The following PTGER3 variants were observed in gnomAD, a reference collection of about 807,000 sequenced individuals.
PTGER3 encodes prostaglandin E2 receptor EP3 subtype.
Under a neutral mutation model 34.7 loss-of-function variants are expected in PTGER3, and 22 were observed. The observed-to-expected ratio is 0.63, with a 90% CI of 0.45 to 0.91. PTGER3 has a LOEUF of 0.91. Among genes scored for constraint, PTGER3 ranks in the 40% least tolerant of loss-of-function variants. The pLI, the probability that PTGER3 is intolerant of heterozygous loss-of-function variation, is 0.00. For missense variants in PTGER3, 468 were observed against 519.4 expected (o/e 0.90, Z 0.96); for synonymous variants, 241 against 230.1 (o/e 1.05, Z -0.43).
chr1:71,013,200 G>A (rs1303797994), intron 1 of PTGER3, among the ~76,000 whole-genome samples: 3 of 152,070 alleles, frequency 2.0e-5, no homozygotes, highest in Admixed American at 2.0e-4. Context: ...GTAGCAGATA[G>A]CAGATGTTCA....
At chr1:70,941,283 A>T (rs535458311) in intron 4 of PTGER3, among the ~76,000 whole-genome samples, 5 of 152,308 alleles carry the variant, frequency 3.3e-5, no homozygotes, top group Admixed American at 2.6e-4. Context: ...TTGAATACTT[A>T]TAAAATGGCT....
intron 4 of PTGER3, among the ~76,000 whole-genome samples, chr1:70,916,412 C>A (rs566509629): frequency 1.3e-5 from 2 of 152,056 alleles, no homozygotes; most frequent in East Asian, 3.9e-4. Context: ...ATCATTCTAC[C>A]AAAAAGACAT....
At chr1:70,854,153 A>C (rs1040994791) in intron 4 of PTGER3, among the ~76,000 whole-genome samples, 1 of 152,192 alleles carries the variant, frequency 6.6e-6, no homozygotes. Context: ...CCTTTTGCAC[A>C]TGAAAGGAAG....
chr1:70,904,254 C>T (rs1363331773), intron 4 of PTGER3, among the ~76,000 whole-genome samples: 1 of 152,138 alleles, frequency 6.6e-6, no homozygotes, highest in Non-Finnish European at 1.5e-5. Context: ...ATTTCCCAGT[C>T]TCTATGTCTT....
intron 2 of PTGER3, among the ~76,000 whole-genome samples, chr1:71,001,039 A>T (rs1656435186): frequency 1.3e-5 from 2 of 152,192 alleles, no homozygotes; most frequent in African/African-American, 2.4e-5. Flanking sequence ...TAGAAAAAAC[A>T]TTGAAAAAAT....
In PTGER3 at chr1:71,011,753, T is replaced by C. The variant is rs1176656451; in HGVS notation, c.1077+552A>G. The C allele has an allele frequency of 4.1e-6, 4 of 983,926 alleles. No individual in the cohort carries two copies. In the East Asian group the frequency reaches 4.5e-4, roughly 111 times the overall value. The allele number at this position is 983,926 out of a possible 1,614,324, so 60.9% of individuals were successfully genotyped here. On this transcript the variant is annotated intron_variant, in intron 2 of 3. Transcript: ENST00000306666. ...ACATTTTTAACTGTAATTAAACTTT[T>C]CTTTAATGTAAGGAGGAAAAAAGTG...
intron 1 of PTGER3, among the ~76,000 whole-genome samples, chr1:71,015,134 C>T (rs1051451502): frequency 2.0e-5 from 3 of 152,170 alleles, no homozygotes; most frequent in African/African-American, 7.2e-5. Flanking sequence ...ACTTCTGAGA[C>T]TTCCAAGTCT....
At position 70,971,523 on chromosome 1, in the gene PTGER3, AG is replaced by A. The variant is rs1413113756; in HGVS notation, c.*206del. 8.2e-7 allele frequency: 1 copy of A among 1,221,322 alleles called. No individual in the cohort carries two copies. The highest frequency in any genetic ancestry group is 1.0e-6 in the Non-Finnish European group (1 of 973,854). 75.7% of individuals were successfully genotyped at this position (1,221,322 alleles called of 1,614,324 possible). ...AAATGCATATTCAAAATCCCATCCA[AG>A]AAACCAATCTAATATTCAGAGGCAT... is the stretch of plus-strand genomic sequence containing the variant. On this transcript the variant is annotated 3_prime_UTR_variant, in exon 4 of 4. Coordinates refer to ENST00000306666, the MANE Select transcript of PTGER3 (RefSeq NM_198719.2).
intron 3 of PTGER3, 30 bp downstream of exon 3, chr1:70,974,267 C>T: frequency 6.2e-7 from 1 of 1,611,536 alleles, no homozygotes. Context: ...GAAGGCTATG[C>T]TATAAATCCC....
chr1:70,896,396 T>C (rs1462675113), intron 4 of PTGER3, among the ~76,000 whole-genome samples: 1 of 152,114 alleles, frequency 6.6e-6, no homozygotes, highest in Admixed American at 6.5e-5. Flanking sequence ...GATAATGCCA[T>C]CTACAGGTCA....
rs752358293 is a variant in PTGER3, at chr1:70,903,552, T to C, written c.*23+50211A>G. Among the ~76,000 whole-genome samples the C allele has an allele frequency of 5.4e-4, 82 of 152,204 alleles. 1 individual carries two copies. Among genetic ancestry groups the C allele is most frequent in the Admixed American group, 3.3e-4 (5 of 15,274 alleles). On this transcript the variant is annotated intron_variant, in intron 4 of 4. Transcript: ENST00000370931. ...AAAGAAATAAAATCACCTTCTTAAG[T>C]TAATTCAAACTTCTATCTCTATCTC...
At chr1:70,934,386 A>G (rs558393268) in intron 4 of PTGER3, among the ~76,000 whole-genome samples, 32 of 152,188 alleles carry the variant, frequency 2.1e-4, no homozygotes, top group Non-Finnish European at 3.1e-4. Context: ...CGTAAATAAA[A>G]CACATGTCTC....
At chr1:70,863,523 A>G (rs1254210123) in intron 4 of PTGER3, among the ~76,000 whole-genome samples, 2 of 152,202 alleles carry the variant, frequency 1.3e-5, no homozygotes, top group Non-Finnish European at 2.9e-5. Context: ...TCATGAAAAA[A>G]TCTTTAAAGC....
chr1:70,927,369 A>C lies in PTGER3; in HGVS notation c.*23+26394T>G, dbSNP rs552616128. Among the ~76,000 whole-genome samples the C allele has an allele frequency of 2.8e-3, 431 of 152,310 alleles. 3 individuals carry two copies. The highest frequency in any genetic ancestry group is 0.01 in the African/African-American group (416 of 41,562). On this transcript the variant is annotated intron_variant, in intron 4 of 4. Transcript: ENST00000370931. ...CCTACAGGAGTTGATGATATGTAAG[A>C]GAAGTGACAATTGTTTAAGATGACT...
At chr1:70,904,368 C>G (rs1295161469) in intron 4 of PTGER3, among the ~76,000 whole-genome samples, 1 of 152,124 alleles carries the variant, frequency 6.6e-6, no homozygotes, top group Non-Finnish European at 1.5e-5. Context: ...AGTGACTTTG[C>G]AACTGGGTAA....
At chr1:70,962,243 A>T (rs1214091155) in intron 2 of PTGER3, among the ~76,000 whole-genome samples, 2 of 152,212 alleles carry the variant, frequency 1.3e-5, no homozygotes, top group African/African-American at 4.8e-5. Context: ...GTCAGGTTTG[A>T]GAGCAACATT....
chr1:71,035,246 A>C (rs1267821264), intron 1 of PTGER3, among the ~76,000 whole-genome samples: 1 of 152,256 alleles, frequency 6.6e-6, no homozygotes, highest in Admixed American at 6.5e-5. Context: ...CAAATTGCCC[A>C]AAATGAAATA....
intron 4 of PTGER3, among the ~76,000 whole-genome samples, chr1:70,887,802 T>C (rs1182890274): frequency 6.6e-6 from 1 of 152,208 alleles, no homozygotes; most frequent in Non-Finnish European, 1.5e-5. Context: ...TTTCATAATA[T>C]TCCAAAACTC....
intron 1 of PTGER3, among the ~76,000 whole-genome samples, chr1:71,029,350 T>C (rs141947647): frequency 6.6e-6 from 1 of 152,262 alleles, no homozygotes; most frequent in East Asian, 1.9e-4. Context: ...AGTGGTTAAT[T>C]ACATAGGCAA....
Sources: gnomAD v4.1 joint callset for allele counts (sites outside exome capture counted in the v4.1 genomes callset) on GRCh38, gnomAD v4.1.1 for gene constraint, MANE v1.5 for transcripts, NCBI Gene and HGNC (gene_info 2026-07-23, HGNC 2026-07-21) for gene names.